FGF12: variants seen among roughly 807,000 people sequenced by gnomAD.
FGF12 encodes fibroblast growth factor 12.
In FGF12, 14 loss-of-function variants were observed where a neutral mutation model predicts 23.6. That is an observed-to-expected ratio of 0.59 (90% CI 0.39 to 0.93). The LOEUF (loss-of-function observed/expected upper bound fraction) is 0.93. FGF12 is among the 40% of genes least tolerant of loss of function. The probability of loss-of-function intolerance (pLI) is 0.00; values close to 1 mark genes in which losing one functional copy is unlikely to be tolerated. For missense variants in FGF12, 175 were observed against 217.8 expected, an observed-to-expected ratio of 0.80 and a Z score of 1.24; for synonymous variants, 62 against 77.3, an observed-to-expected ratio of 0.80 and a Z score of 1.04.
chr3:192,658,045 T>C (rs560081374), intron 2 of FGF12, among the ~76,000 whole-genome samples: 4 of 152,146 alleles, frequency 2.6e-5, no homozygotes, highest in African/African-American at 9.6e-5. Flanking sequence ...CACTTTGCAA[T>C]TGCAGATAAA....
intron 4 of FGF12, among the ~76,000 whole-genome samples, chr3:192,273,846 C>T (rs1490665926): frequency 1.3e-5 from 2 of 151,738 alleles, no homozygotes; most frequent in Admixed American, 1.3e-4. Flanking sequence ...CTGCCCGTGT[C>T]CTTCCTGCTC....
At chr3:192,155,786 A>C (rs1208283081) in intron 5 of FGF12, among the ~76,000 whole-genome samples, 2 of 152,212 alleles carry the variant, frequency 1.3e-5, no homozygotes, top group African/African-American at 4.8e-5. Flanking sequence ...TGTCCAGAGA[A>C]CTGTCTAGGC....
At chr3:192,466,353 G>A (rs1723011838) in intron 2 of FGF12, among the ~76,000 whole-genome samples, 2 of 152,056 alleles carry the variant, frequency 1.3e-5, no homozygotes, top group South Asian at 2.1e-4. Flanking sequence ...GAATGTATGC[G>A]TGGTCTTCGA....
chr3:192,613,394 G>T (rs1714623634), intron 2 of FGF12, among the ~76,000 whole-genome samples: 3 of 151,782 alleles, frequency 2.0e-5, no homozygotes, highest in Non-Finnish European at 4.4e-5. Context: ...TTATTTTCTG[G>T]AACAGTACGA....
At chr3:192,451,980 T>C (rs536303131) in intron 2 of FGF12, among the ~76,000 whole-genome samples, 4 of 152,308 alleles carry the variant, frequency 2.6e-5, no homozygotes, top group Non-Finnish European at 5.9e-5. Context: ...TCAGCATTAA[T>C]AGATTTTTTT....
At chr3:192,303,910 A>G (rs1251415319) in intron 4 of FGF12, among the ~76,000 whole-genome samples, 1 of 152,178 alleles carries the variant, frequency 6.6e-6, no homozygotes, top group African/African-American at 2.4e-5. Flanking sequence ...ACATTTTCCT[A>G]CTATTAGAGA....
intron 2 of FGF12, chr3:192,673,239 A>T (rs1244931115): frequency 6.6e-6 from 1 of 150,990 alleles, no homozygotes. Flanking sequence ...GAGGAGCATT[A>T]GAAAGGGGCA....
chr3:192,152,164 T>C (rs1304234312), intron 5 of FGF12, among the ~76,000 whole-genome samples: 1 of 105,936 alleles, frequency 9.4e-6, no homozygotes, highest in African/African-American at 3.6e-5. Flanking sequence ...GGTGGTGATA[T>C]CCCCTTTATC....
chr3:192,465,891 G>T (rs1560119555), intron 2 of FGF12, among the ~76,000 whole-genome samples: 6 of 152,204 alleles, frequency 3.9e-5, no homozygotes, highest in Admixed American at 2.6e-4. Flanking sequence ...CAGTCTCTGA[G>T]TATCTTTTCC....
At chr3:192,619,027 A>G (rs1192806721) in intron 2 of FGF12, among the ~76,000 whole-genome samples, 1 of 151,876 alleles carries the variant, frequency 6.6e-6, no homozygotes, top group Admixed American at 6.6e-5. Context: ...TGTAATATAT[A>G]CAAGGGATTG....
intron 2 of FGF12, among the ~76,000 whole-genome samples, chr3:192,718,317 C>T (rs760572607): frequency 3.3e-5 from 5 of 151,724 alleles, no homozygotes; most frequent in African/African-American, 4.8e-5. Context: ...GAAGAAAAGA[C>T]GTTATAAAAA....
intron 2 of FGF12, among the ~76,000 whole-genome samples, chr3:192,530,823 T>A (rs1725067898): frequency 8.2e-6 from 1 of 121,358 alleles, no homozygotes; most frequent in African/African-American, 3.1e-5. Flanking sequence ...TGCATTTTAA[T>A]TTTTTTTTTT....
rs1406745241 is a variant in FGF12, at chr3:192,669,675, A to G, written c.13+57506T>C. Among the ~76,000 whole-genome samples, 3 of 150,932 alleles carry G rather than the reference A, an allele frequency of 2.0e-5. No individual in the cohort carries two copies. In the East Asian group the frequency reaches 5.8e-4, roughly 29 times the overall value. On this transcript the variant is annotated intron_variant, in intron 2 of 5. Transcript: ENST00000445105. ...AATCCTGGATGTCCCCAGAAATTCT[A>G]CAAGGAGTGCACAAGGTCACAGTTA...
chr3:192,573,729 A>T (rs1712753817), intron 2 of FGF12, among the ~76,000 whole-genome samples: 1 of 152,216 alleles, frequency 6.6e-6, no homozygotes, highest in African/African-American at 2.4e-5. Context: ...TACTTATTAG[A>T]AAAAATAAAA....
intron 4 of FGF12, among the ~76,000 whole-genome samples, chr3:192,266,798 C>CCACACA (rs376275029): frequency 5.2e-4 from 77 of 146,800 alleles, no homozygotes; most frequent in African/African-American, 1.2e-3. Context: ...TCTTTAAACA[C>CCACACA]CACACACACA....
At chr3:192,381,117 C>G (rs1452936540) in intron 2 of FGF12, among the ~76,000 whole-genome samples, 1 of 152,132 alleles carries the variant, frequency 6.6e-6, no homozygotes, top group African/African-American at 2.4e-5. Context: ...TAGCCACTTT[C>G]AAGTGCTCAA....
intron 2 of FGF12, among the ~76,000 whole-genome samples, chr3:192,632,136 G>A (rs1031485163): frequency 6.6e-6 from 1 of 152,076 alleles, no homozygotes; most frequent in African/African-American, 2.4e-5. Flanking sequence ...TTACACTTAC[G>A]ATGTGGTACA....
intron 2 of FGF12, among the ~76,000 whole-genome samples, chr3:192,416,211 C>T (rs1166509583): frequency 6.6e-6 from 1 of 152,050 alleles, no homozygotes; most frequent in Non-Finnish European, 1.5e-5. Flanking sequence ...CTGGAGATAA[C>T]TGAAATATAC....
chr3:192,407,243 A>G (rs954176556), intron 2 of FGF12, among the ~76,000 whole-genome samples: 3 of 152,222 alleles, frequency 2.0e-5, no homozygotes, highest in African/African-American at 7.2e-5. Flanking sequence ...TCTCTGATCA[A>G]GCTGAAGTTT....
Sources: allele counts gnomAD v4.1 joint callset (sites outside exome capture counted in the v4.1 genomes callset), GRCh38; gene constraint gnomAD v4.1.1; transcripts MANE v1.5; gene names NCBI Gene and HGNC (gene_info 2026-07-23, HGNC 2026-07-21).